The following MIPOL1 variants were observed in gnomAD, a reference collection of about 807,000 sequenced individuals.
MIPOL1 encodes mirror-image polydactyly 1.
In MIPOL1, 57 loss-of-function variants were observed where a neutral mutation model predicts 60.9. That is an observed-to-expected ratio of 0.94 (90% CI 0.76 to 1.17). The LOEUF is 1.17. MIPOL1 is among the 50% of genes most tolerant of loss of function. The pLI is 0.00. For missense variants in MIPOL1, 551 were observed against 511.6 expected, an observed-to-expected ratio of 1.08 and a Z score of -0.74; for synonymous variants, 179 against 168.8, an observed-to-expected ratio of 1.06 and a Z score of -0.47.
intron 11 of MIPOL1, among the ~76,000 whole-genome samples, chr14:37,433,066 A>AT (rs1269230234): frequency 6.6e-6 from 1 of 152,062 alleles, no homozygotes; most frequent in Non-Finnish European, 1.5e-5. Context: ...ACTTTTTAAA[A>AT]TTTTTTATTT....
chr14:37,375,527 C>T (rs2092752475), intron 10 of MIPOL1, among the ~76,000 whole-genome samples: 1 of 152,144 alleles, frequency 6.6e-6, no homozygotes. Flanking sequence ...CACACATTTC[C>T]TTCCTACAGT....
intron 10 of MIPOL1, among the ~76,000 whole-genome samples, chr14:37,377,142 C>T (rs766271429): frequency 6.6e-6 from 1 of 152,166 alleles, no homozygotes; most frequent in Non-Finnish European, 1.5e-5. Context: ...GAGTCAAACA[C>T]TATTGACTTT....
At position 37,247,855 on chromosome 14, in the gene MIPOL1, G is replaced by A. The variant is rs893652758; in HGVS notation, c.-34G>A. Reference sequence around the variant, plus strand: ...TGCAAATCTTGGAGCAAAAACCAGAGACATTGCCAGAGCAAACAAGAACAG... The same window carrying A: ...TGCAAATCTTGGAGCAAAAACCAGAAACATTGCCAGAGCAAACAAGAACAG... On this transcript the variant is annotated 5_prime_UTR_variant, in exon 3 of 13. Coordinates refer to ENST00000684589, the MANE Select transcript of MIPOL1 (RefSeq NM_001388067.1). 4 of 1,611,860 alleles carry A rather than the reference G, an allele frequency of 2.5e-6. No homozygotes were observed. The highest frequency in any genetic ancestry group is 3.4e-6 in the Non-Finnish European group (4 of 1,178,912).
intron 10 of MIPOL1, among the ~76,000 whole-genome samples, chr14:37,406,104 A>G (rs993815124): frequency 3.3e-5 from 5 of 152,098 alleles, no homozygotes; most frequent in Non-Finnish European, 7.4e-5. Context: ...TTGATAGACA[A>G]TTATTATGGT....
At chr14:37,236,505 C>T (rs568897183) in intron 1 of MIPOL1, among the ~76,000 whole-genome samples, 6 of 151,954 alleles carry the variant, frequency 3.9e-5, no homozygotes, top group South Asian at 2.1e-4. Flanking sequence ...GGTGCAATCT[C>T]GGCTCACTGC....
intron 9 of MIPOL1, among the ~76,000 whole-genome samples, chr14:37,327,787 G>T (rs2089308376): frequency 6.6e-6 from 1 of 152,104 alleles, no homozygotes; most frequent in Non-Finnish European, 1.5e-5. Context: ...CTATTATTTT[G>T]CTCTTCTTAA....
chr14:37,374,013 G>T (rs149750532), intron 10 of MIPOL1, among the ~76,000 whole-genome samples: 1 of 152,060 alleles, frequency 6.6e-6, no homozygotes, highest in Non-Finnish European at 1.5e-5. Context: ...GTGTAAAAAC[G>T]TTCCTATTTC....
intron 9 of MIPOL1, among the ~76,000 whole-genome samples, chr14:37,331,437 G>A (rs1020433379): frequency 2.6e-5 from 4 of 151,572 alleles, no homozygotes; most frequent in African/African-American, 9.7e-5. Context: ...GTCCTCTTCA[G>A]TTTCTTTCAT....
intron 1 of MIPOL1, among the ~76,000 whole-genome samples, chr14:37,236,820 T>C (rs964921859): frequency 3.3e-5 from 5 of 152,142 alleles, no homozygotes; most frequent in Admixed American, 6.5e-5. Flanking sequence ...CTAATGTGTT[T>C]ATAGAGTTTT....
intron 1 of MIPOL1, among the ~76,000 whole-genome samples, chr14:37,202,114 T>G (rs1292175620): frequency 6.6e-6 from 1 of 152,160 alleles, no homozygotes; most frequent in Non-Finnish European, 1.5e-5. Flanking sequence ...TTACAGGCAT[T>G]AGCCACTGCA....
intron 11 of MIPOL1, among the ~76,000 whole-genome samples, chr14:37,473,339 A>G (rs929658339): frequency 6.6e-6 from 1 of 152,156 alleles, no homozygotes; most frequent in Non-Finnish European, 1.5e-5. Flanking sequence ...GTCCAGACAT[A>G]AGAACTGTGA....
At chr14:37,478,514 A>G (rs1358684587) in intron 11 of MIPOL1, among the ~76,000 whole-genome samples, 3 of 152,222 alleles carry the variant, frequency 2.0e-5, no homozygotes, top group Non-Finnish European at 1.5e-5. Flanking sequence ...ACCACAAAGT[A>G]TCAACAAAAC....
intron 6 of MIPOL1, among the ~76,000 whole-genome samples, chr14:37,273,261 G>C (rs1487230919): frequency 6.6e-6 from 1 of 150,560 alleles, no homozygotes; most frequent in East Asian, 1.9e-4. Flanking sequence ...GCAAATGTTG[G>C]TGGTCTTTAA....
rs761899673 is a variant in MIPOL1 at position 37,285,303 on chromosome 14, T to C, written c.494-15T>C. ...ATTTTGTATGATTGATTGTGCGCTT[T>C]ATATATTTTGGTAGCTCTGGTTGAA... On this transcript the variant is annotated splice_polypyrimidine_tract_variant and intron_variant, in intron 6 of 12. Transcript: ENST00000684589. The C allele has an allele frequency of 3.7e-6, 6 of 1,613,816 alleles. No individual in the cohort carries two copies. Among genetic ancestry groups the C allele is most frequent in the Non-Finnish European group, 5.1e-6 (6 of 1,179,830 alleles).
chr14:37,381,149 A>G (rs1212536071), intron 10 of MIPOL1, among the ~76,000 whole-genome samples: 1 of 152,048 alleles, frequency 6.6e-6, no homozygotes, highest in Admixed American at 6.6e-5. Context: ...TGAATATGTA[A>G]GACTCTCAGT....
At chr14:37,489,272 A>G (rs969328219) in intron 11 of MIPOL1, among the ~76,000 whole-genome samples, 1 of 151,768 alleles carries the variant, frequency 6.6e-6, no homozygotes, top group African/African-American at 2.4e-5. Context: ...TTGTGTATGT[A>G]TCACGTGCTG....
intron 11 of MIPOL1, among the ~76,000 whole-genome samples, chr14:37,436,132 G>A (rs1212851062): frequency 6.6e-6 from 1 of 151,936 alleles, no homozygotes; most frequent in Non-Finnish European, 1.5e-5. Context: ...ACTAATTCAA[G>A]CAGTTTTTAA....
At chr14:37,531,981 G>T (rs931170732) in intron 12 of MIPOL1, among the ~76,000 whole-genome samples, 9 of 152,034 alleles carry the variant, frequency 5.9e-5, no homozygotes, top group African/African-American at 2.2e-4. Flanking sequence ...TGTTCAAAAG[G>T]AGAGGAAGAG....
chr14:37,290,892 TTTG>T (rs1337791461), intron 7 of MIPOL1, among the ~76,000 whole-genome samples: 1 of 152,078 alleles, frequency 6.6e-6, no homozygotes, highest in African/African-American at 2.4e-5. Context: ...GGCCCCAGTG[TTTG>T]TTGTTCCACA....
Sources: allele counts gnomAD v4.1 joint callset (sites outside exome capture counted in the v4.1 genomes callset), GRCh38; gene constraint gnomAD v4.1.1; transcripts MANE v1.5; gene names NCBI Gene and HGNC (gene_info 2026-07-23, HGNC 2026-07-21).